The following TSPAN18 variants were observed in gnomAD, a reference collection of about 807,000 sequenced individuals.
TSPAN18 encodes the protein tetraspanin-18.
A neutral mutation model predicts 27.3 loss-of-function variants in TSPAN18; 14 were observed. The observed-to-expected ratio is 0.51, with a 90% CI of 0.34 to 0.80. The LOEUF (loss-of-function observed/expected upper bound fraction) is 0.80. Among genes scored for constraint, TSPAN18 ranks in the 30% least tolerant of loss-of-function variants. The pLI is 0.01. For missense variants in TSPAN18, 268 were observed against 323.9 expected, an observed-to-expected ratio of 0.83 and a Z score of 1.32; for synonymous variants, 143 against 136.5, an observed-to-expected ratio of 1.05 and a Z score of -0.33.
chr11:44,862,036 G>A (rs1033909377), intron 3 of TSPAN18, among the ~76,000 whole-genome samples: 5 of 152,224 alleles, frequency 3.3e-5, no homozygotes, highest in African/African-American at 1.2e-4. Flanking sequence ...ACTCCTTCAT[G>A]GCTGAGGGGA....
chr11:44,895,912 C>G (rs1565196289), intron 3 of TSPAN18, among the ~76,000 whole-genome samples: 1 of 152,186 alleles, frequency 6.6e-6, no homozygotes, highest in South Asian at 2.1e-4. Context: ...GGGGTGCAGG[C>G]CCTGAACTAC....
intron 3 of TSPAN18, among the ~76,000 whole-genome samples, chr11:44,899,334 T>A (rs923162753): frequency 6.6e-6 from 1 of 152,218 alleles, no homozygotes; most frequent in Non-Finnish European, 1.5e-5. Context: ...GTCTAATTGC[T>A]CCAAAACCCA....
chr11:44,910,627 G>A (rs1374051912), intron 5 of TSPAN18, among the ~76,000 whole-genome samples: 2 of 152,228 alleles, frequency 1.3e-5, no homozygotes, highest in Non-Finnish European at 2.9e-5. Flanking sequence ...TAGTGGATGA[G>A]GCCTTCCCCT....
rs190662843 is a variant in TSPAN18 at position 44,749,838 on chromosome 11, G to A, written c.-239-14588G>A. On this transcript the variant is annotated intron_variant, in intron 1 of 9. Transcript: ENST00000520358. Reference sequence around the variant, plus strand: ...TTTTTAGTAGAGACGGGGTTTCACCGTGTTAGCCAGGGTGGCCTCCATCTC... The same window carrying A: ...TTTTTAGTAGAGACGGGGTTTCACCATGTTAGCCAGGGTGGCCTCCATCTC... 3.4e-3 allele frequency among the ~76,000 whole-genome samples: 512 copies of A among 152,126 alleles called. 3 individuals carry two copies. The highest frequency in any genetic ancestry group is 0.011 in the African/African-American group (458 of 41,506).
chr11:44,861,674 A>C (rs1231259034), intron 3 of TSPAN18, among the ~76,000 whole-genome samples: 1 of 151,688 alleles, frequency 6.6e-6, no homozygotes, highest in African/African-American at 2.4e-5. Context: ...GGGGGCGATG[A>C]AGCACCCAGG....
intron 3 of TSPAN18, among the ~76,000 whole-genome samples, chr11:44,871,305 C>T (rs1565185538): frequency 6.6e-6 from 1 of 152,108 alleles, no homozygotes; most frequent in African/African-American, 2.4e-5. Context: ...CGCCTTGTAT[C>T]TTCATGTGGC....
At chr11:44,794,540 C>G (rs574769093) in intron 2 of TSPAN18, among the ~76,000 whole-genome samples, 2 of 152,106 alleles carry the variant, frequency 1.3e-5, no homozygotes, top group African/African-American at 4.8e-5. Context: ...TGGTGGCACA[C>G]GCCTGTAATC....
intron 8 of TSPAN18, among the ~76,000 whole-genome samples, chr11:44,924,099 G>GTGTGTA (rs1860254499): frequency 6.1e-5 from 2 of 32,794 alleles, no homozygotes; most frequent in African/African-American, 1.0e-4. Flanking sequence ...TTCTGGGGTT[G>GTGTGTA]TGTGTGTGTG....
chr11:44,828,339 CAAA>C (rs199714924), intron 2 of TSPAN18, among the ~76,000 whole-genome samples: 1 of 150,400 alleles, frequency 6.6e-6, no homozygotes, highest in African/African-American at 2.4e-5. Context: ...ACAACAACAA[CAAA>C]AAAAAAGCTG....
chr11:44,749,931 C>T (rs181919406), intron 1 of TSPAN18, among the ~76,000 whole-genome samples: 5 of 152,296 alleles, frequency 3.3e-5, no homozygotes, highest in South Asian at 2.1e-4. Context: ...CCACTGCACC[C>T]GGCTCCATGT....
rs1436402045 is a variant in TSPAN18, at chr11:44,788,240, G to A, written c.-153+23728G>A. ...GATTGGTCACCGCAGAACCTCAGCA[G>A]CTCTTGGGCTGCACTGCTCAATGGA... On this transcript the variant is annotated intron_variant, in intron 2 of 9. Coordinates refer to ENST00000520358, the MANE Select transcript of TSPAN18 (RefSeq NM_130783.5). 5.3e-5 allele frequency among the ~76,000 whole-genome samples: 8 copies of A among 152,182 alleles called. 1 individual carries two copies. Among genetic ancestry groups the A allele is most frequent in the Admixed American group, 5.2e-4 (8 of 15,286 alleles).
rs1190867432 is a variant in TSPAN18, at chr11:44,929,137, G to A, written c.706G>A (p.Ala236Thr). 9.3e-6 allele frequency: 15 copies of A among 1,613,126 alleles called. No individual in the cohort carries two copies. The highest frequency in any genetic ancestry group is 2.2e-5 in the South Asian group (2 of 91,080). The change falls in exon 10 of 10, where the codon GCC becomes ACC. Residue 236 changes from alanine to threonine, a missense_variant. Transcript: ENST00000520358. ...TCTTTTTCTTTTTTTGCAGCTTTTC[G>A]CCATGATCTTTGCCATGTGCCTCTT... ...AIGVLAIELF[A>T]MIFAMCLFRG...
At chr11:44,750,654 C>T (rs1855189403) in intron 1 of TSPAN18, among the ~76,000 whole-genome samples, 1 of 151,042 alleles carries the variant, frequency 6.6e-6, no homozygotes, top group Admixed American at 6.6e-5. Flanking sequence ...ACCTAATTTC[C>T]ACATGGATTT....
At chr11:44,848,409 C>T (rs775375395) in intron 2 of TSPAN18, among the ~76,000 whole-genome samples, 30 of 152,202 alleles carry the variant, frequency 2.0e-4, no homozygotes, top group Non-Finnish European at 4.0e-4. Context: ...GCGCCCTTAG[C>T]GACCACTGAT....
At chr11:44,762,031 A>C (rs1038335674) in intron 1 of TSPAN18, among the ~76,000 whole-genome samples, 2 of 152,174 alleles carry the variant, frequency 1.3e-5, no homozygotes, top group Non-Finnish European at 2.9e-5. Context: ...TCTGCCCTGC[A>C]CTGTGAGGTG....
At chr11:44,851,612 A>ACCG (rs1278720815) in intron 2 of TSPAN18, among the ~76,000 whole-genome samples, 24 of 110,874 alleles carry the variant, frequency 2.2e-4, no homozygotes, top group Non-Finnish European at 3.9e-4. Flanking sequence ...TACTCTTGTC[A>ACCG]CCTCCCCCCC....
intron 2 of TSPAN18, among the ~76,000 whole-genome samples, chr11:44,794,670 G>GAA (rs777191059): frequency 2.1e-5 from 3 of 140,938 alleles, no homozygotes; most frequent in Non-Finnish European, 4.7e-5. Context: ...TCTGTCTCAG[G>GAA]AAAAAAAAAA....
intron 3 of TSPAN18, among the ~76,000 whole-genome samples, chr11:44,880,530 G>A (rs1565189238): frequency 1.3e-5 from 2 of 152,228 alleles, no homozygotes; most frequent in Admixed American, 6.5e-5. Context: ...CCCAGTGTGA[G>A]CCCTTGGGTA....
chr11:44,873,658 T>G (rs1858252703), intron 3 of TSPAN18, among the ~76,000 whole-genome samples: 1 of 152,140 alleles, frequency 6.6e-6, no homozygotes, highest in South Asian at 2.1e-4. Context: ...CTGCACTCCT[T>G]AGGGTTTATT....
Sources: gnomAD v4.1 joint callset for allele counts (sites outside exome capture counted in the v4.1 genomes callset) on GRCh38, gnomAD v4.1.1 for gene constraint, MANE v1.5 for transcripts, NCBI Gene and HGNC (gene_info 2026-07-23, HGNC 2026-07-21) for gene names.